GADL1: variants seen among roughly 807,000 people sequenced by gnomAD.
The protein encoded by GADL1 is GAD like acidic amino acid decarboxylase 1.
GADL1 carries 71 observed loss-of-function variants against 69.5 expected under a neutral mutation model. That is an observed-to-expected ratio of 1.02 (90% CI 0.84 to 1.25). The LOEUF (loss-of-function observed/expected upper bound fraction) is 1.25. Among genes scored for constraint, GADL1 ranks in the 50% most tolerant of loss-of-function variants. GADL1 has a pLI of 0.00. For missense variants in GADL1, 737 were observed against 631.8 expected (o/e 1.17, Z -1.79); for synonymous variants, 254 against 214.4 (o/e 1.18, Z -1.62).
chr3:30,767,727 T>G (rs1022250845), intron 14 of GADL1, among the ~76,000 whole-genome samples: 1 of 152,072 alleles, frequency 6.6e-6, no homozygotes, highest in Admixed American at 6.6e-5. Flanking sequence ...ATTGACAGAT[T>G]TGAATACATA....
At chr3:30,770,406 T>C (rs1696390627) in intron 14 of GADL1, among the ~76,000 whole-genome samples, 1 of 152,242 alleles carries the variant, frequency 6.6e-6, no homozygotes, top group Non-Finnish European at 1.5e-5. Flanking sequence ...ACTTGGCTCA[T>C]GTGCAAATGT....
chr3:30,880,180 C>A (rs560343731), intron 1 of GADL1, among the ~76,000 whole-genome samples: 1 of 151,890 alleles, frequency 6.6e-6, no homozygotes, highest in South Asian at 2.1e-4. Context: ...AATGACAGTG[C>A]AATAAAAAAT....
intron 1 of GADL1, among the ~76,000 whole-genome samples, chr3:30,883,085 C>T (rs974778715): frequency 1.3e-5 from 2 of 151,918 alleles, no homozygotes; most frequent in Non-Finnish European, 2.9e-5. Context: ...AGAATATTTT[C>T]TCTCATCCCA....
At position 30,819,615 on chromosome 3, in the gene GADL1, G is replaced by A. The variant is rs376694823; in HGVS notation, c.1050+14238C>T. ...CAAAACTGCCCTCAAATGTAAAATAGCATTCTTACAGAACAAAAACATAAA... is the reference window on the plus strand; with the variant it reads ...CAAAACTGCCCTCAAATGTAAAATAACATTCTTACAGAACAAAAACATAAA... On this transcript the variant is annotated intron_variant, in intron 11 of 14. Transcript: ENST00000282538. Among the ~76,000 whole-genome samples, 996 of 151,974 alleles carry A rather than the reference G, an allele frequency of 6.6e-3. 14 individuals carry two copies. The highest frequency in any genetic ancestry group is 8.9e-3 in the Non-Finnish European group (602 of 67,950).
At chr3:30,850,983 C>T (rs1575234373) in intron 4 of GADL1, 42 bp from the exon 5 acceptor site, 1 of 1,163,236 alleles carries the variant, frequency 8.6e-7, no homozygotes, top group Non-Finnish European at 1.2e-6. Context: ...TGACTAGAGT[C>T]AAAACATTCC....
At chr3:30,740,024 G>A (rs1695593657) in intron 14 of GADL1, among the ~76,000 whole-genome samples, 1 of 152,072 alleles carries the variant, frequency 6.6e-6, no homozygotes, top group Non-Finnish European at 1.5e-5. Context: ...AGTGTTTAAG[G>A]TTGGAAATTA....
chr3:30,893,495 A>G (rs1227381885), intron 1 of GADL1, among the ~76,000 whole-genome samples: 5 of 152,054 alleles, frequency 3.3e-5, no homozygotes, highest in Non-Finnish European at 5.9e-5. Context: ...TACTAACTGC[A>G]GCTTTATACC....
rs148166221 is a variant in GADL1, at chr3:30,761,845, T to A, written c.1392+16334A>T. Among the ~76,000 whole-genome samples the A allele has an allele frequency of 7.0e-4, 107 of 152,304 alleles. No homozygotes were observed. In the Middle Eastern group the frequency reaches 0.014, roughly 19 times the overall value. On this transcript the variant is annotated intron_variant, in intron 14 of 14. Transcript: ENST00000282538. ...TCAAACCTATGGTCAATATTTTGAATGGCAATCTTGAAACAGCACAACACA... is the reference window on the plus strand; with the variant it reads ...TCAAACCTATGGTCAATATTTTGAAAGGCAATCTTGAAACAGCACAACACA...
At chr3:30,777,632 C>T (rs79191184) in intron 14 of GADL1, among the ~76,000 whole-genome samples, 2,728 of 152,312 alleles carry the variant, frequency 0.018, 84 homozygotes, top group African/African-American at 0.063. Flanking sequence ...TCTCCTCACA[C>T]GGTATCATCA....
At chr3:30,782,826 G>A (rs1049795842) in intron 13 of GADL1, among the ~76,000 whole-genome samples, 1 of 152,212 alleles carries the variant, frequency 6.6e-6, no homozygotes, top group African/African-American at 2.4e-5. Flanking sequence ...AGACTATCAA[G>A]AGATGGAGTG....
intron 14 of GADL1, among the ~76,000 whole-genome samples, chr3:30,752,711 C>T (rs1695855781): frequency 6.6e-6 from 1 of 152,172 alleles, no homozygotes; most frequent in Non-Finnish European, 1.5e-5. Flanking sequence ...TCTAGAGGAA[C>T]TTCCCCCAGC....
intron 9 of GADL1, among the ~76,000 whole-genome samples, chr3:30,835,519 T>C (rs985959130): frequency 6.6e-6 from 1 of 152,080 alleles, no homozygotes; most frequent in Non-Finnish European, 1.5e-5. Context: ...ACAAGCAACT[T>C]TGTGGCCTTA....
At chr3:30,805,667 GTC>G (rs1697238068) in intron 11 of GADL1, among the ~76,000 whole-genome samples, 1 of 149,284 alleles carries the variant, frequency 6.7e-6, no homozygotes, top group African/African-American at 2.5e-5. Flanking sequence ...AGAATCTGCG[GTC>G]TCTTTTTGGT....
At chr3:30,834,860 GC>G (rs1224937893) in intron 9 of GADL1, among the ~76,000 whole-genome samples, 10 of 152,116 alleles carry the variant, frequency 6.6e-5, no homozygotes, top group African/African-American at 2.4e-4. Flanking sequence ...AATTTTGTGA[GC>G]AAAGGAGAGG....
intron 1 of GADL1, among the ~76,000 whole-genome samples, chr3:30,876,152 A>G (rs967676548): frequency 1.2e-4 from 18 of 152,074 alleles, no homozygotes; most frequent in African/African-American, 4.3e-4. Flanking sequence ...TAATCTTCAC[A>G]ACAGCCATGC....
chr3:30,851,052 G>T, intron 4 of GADL1, 111 bp from the exon 5 acceptor site: 3 of 598,434 alleles, frequency 5.0e-6, no homozygotes, highest in Non-Finnish European at 5.9e-6. Flanking sequence ...TGAAGTGTAG[G>T]CAGTCTTTGG....
intron 14 of GADL1, among the ~76,000 whole-genome samples, chr3:30,732,683 G>A (rs927240717): frequency 3.3e-5 from 5 of 152,268 alleles, no homozygotes; most frequent in East Asian, 1.9e-4. Flanking sequence ...AAAATAAAAT[G>A]ATAATTTCCA....
chr3:30,754,005 AGGT>A (rs1183338862), intron 14 of GADL1, among the ~76,000 whole-genome samples: 1 of 152,218 alleles, frequency 6.6e-6, no homozygotes, highest in Admixed American at 6.5e-5. Flanking sequence ...AGGAGGACTG[AGGT>A]GGTGAGGGCT....
At chr3:30,767,068 C>G (rs1272713414) in intron 14 of GADL1, among the ~76,000 whole-genome samples, 2 of 151,964 alleles carry the variant, frequency 1.3e-5, no homozygotes, top group African/African-American at 4.8e-5. Context: ...TGGTATAATG[C>G]TTAAATACTG....
Sources: allele counts gnomAD v4.1 joint callset (sites outside exome capture counted in the v4.1 genomes callset), GRCh38; gene constraint gnomAD v4.1.1; transcripts MANE v1.5; gene names NCBI Gene and HGNC (gene_info 2026-07-23, HGNC 2026-07-21).